Variants in NEIL3 observed in about 807,000 individuals in gnomAD.
The protein encoded by NEIL3 is endonuclease 8-like 3.
NEIL3 carries 48 observed loss-of-function variants against 57.5 expected under a neutral mutation model. The observed-to-expected ratio is 0.83, with a 90% CI of 0.66 to 1.06. The LOEUF is 1.06. Among genes scored for constraint, NEIL3 ranks in the 50% least tolerant of loss-of-function variants. The pLI, the probability that NEIL3 is intolerant of heterozygous loss-of-function variation, is 0.00. For synonymous variants in NEIL3, 261 were observed against 253.2 expected (o/e 1.03, Z -0.29); for missense variants, 717 against 739.1 (o/e 0.97, Z 0.35).
intron 8 of NEIL3, among the ~76,000 whole-genome samples, 193 bp from the exon 9 acceptor site, chr4:177,360,310 T>C (rs1735581463): frequency 6.6e-6 from 1 of 152,244 alleles, no homozygotes; most frequent in Non-Finnish European, 1.5e-5. Flanking sequence ...TAGGTAACTT[T>C]GGAAATAAAT....
chr4:177,339,854 C>T lies in NEIL3; in HGVS notation c.699C>T (p.Tyr233=), dbSNP rs1195647562. ...TACGTGATTTCAGCATTCTCTTTTA[C>T]AGGGTAAGAGCAAAATTTTTCAACT... is the stretch of plus-strand genomic sequence containing the variant. ...KMIRDFSILF[Y]RCRKAGLALS... Residue 233 remains tyrosine (Y), a synonymous_variant, in exon 5 of 10, where the codon TAC becomes TAT. Transcript: ENST00000264596. The T allele has an allele frequency of 5.0e-6, 8 of 1,610,714 alleles. No individual in the cohort carries two copies. The highest frequency in any genetic ancestry group is 1.7e-5 in the Admixed American group (1 of 59,964).
chr4:177,318,510 A>T (rs1734615628), intron 1 of NEIL3, among the ~76,000 whole-genome samples: 1 of 152,242 alleles, frequency 6.6e-6, no homozygotes, highest in Non-Finnish European at 1.5e-5. Context: ...AAACTTCCCC[A>T]GGAAATTGGC....
At position 177,341,459 on chromosome 4, in the gene NEIL3, G is replaced by GA. The variant is rs1735089228; in HGVS notation, c.703-17_703-16insA. On this transcript the variant is annotated splice_polypyrimidine_tract_variant and intron_variant, in intron 5 of 9. Coordinates refer to ENST00000264596, the MANE Select transcript of NEIL3 (RefSeq NM_018248.3). ...GTTTTGTGGATAACAGAATTTTTTG[G>GA]TTTTTTTTTTTTTTAGTGCCGTAAA... 3.5e-6 allele frequency: 5 copies of GA among 1,441,324 alleles called. No individual in the cohort carries two copies. In the South Asian group the frequency reaches 5.4e-5, roughly 15 times the overall value. The allele number at this position is 1,441,324 out of a possible 1,614,324, so 89.3% of individuals were successfully genotyped here.
At chr4:177,361,484 C>T (rs879203437) in intron 9 of NEIL3, among the ~76,000 whole-genome samples, 12 of 152,102 alleles carry the variant, frequency 7.9e-5, no homozygotes, top group Admixed American at 5.9e-4. Flanking sequence ...AGGAATTTCC[C>T]GGGGAAAACT....
At chr4:177,317,098 A>G (rs891095192) in intron 1 of NEIL3, among the ~76,000 whole-genome samples, 7 of 152,226 alleles carry the variant, frequency 4.6e-5, no homozygotes, top group African/African-American at 1.7e-4. Flanking sequence ...ATGTTTTTCT[A>G]TAAGTTAATA....
intron 1 of NEIL3, among the ~76,000 whole-genome samples, chr4:177,319,870 G>A (rs1369293979): frequency 6.6e-6 from 1 of 152,072 alleles, no homozygotes; most frequent in African/African-American, 2.4e-5. Flanking sequence ...CACAGGGTAT[G>A]GCTAAAACAA....
chr4:177,353,763 T>A, intron 8 of NEIL3, 35 bp downstream of exon 8: 2 of 1,520,280 alleles, frequency 1.3e-6, no homozygotes, highest in Non-Finnish European at 1.8e-6. Context: ...TTAAGATAAT[T>A]GCTTTTTTTT....
At chr4:177,357,405 G>A (rs1419799204) in intron 8 of NEIL3, among the ~76,000 whole-genome samples, 2 of 151,104 alleles carry the variant, frequency 1.3e-5, no homozygotes, top group South Asian at 2.1e-4. Flanking sequence ...CAGGGTTACT[G>A]TATTTTATGT....
chr4:177,310,835 A>T (rs563526925), intron 1 of NEIL3, among the ~76,000 whole-genome samples: 65 of 152,350 alleles, frequency 4.3e-4, no homozygotes, highest in African/African-American at 1.5e-3. Context: ...TCATGCCTAC[A>T]TGCAATATTG....
chr4:177,359,877 G>A (rs1735573686), intron 8 of NEIL3, among the ~76,000 whole-genome samples: 1 of 152,162 alleles, frequency 6.6e-6, no homozygotes, highest in African/African-American at 2.4e-5. Context: ...CTAATTATGG[G>A]GGAGAATAAA....
chr4:177,328,282 A>G (rs541207185), intron 2 of NEIL3, among the ~76,000 whole-genome samples: 3 of 152,330 alleles, frequency 2.0e-5, no homozygotes, highest in Admixed American at 2.0e-4. Flanking sequence ...TAGAAGAAAG[A>G]AAGAACAGAA....
chr4:177,338,964 C>T (rs896252166), intron 4 of NEIL3, among the ~76,000 whole-genome samples: 14 of 151,904 alleles, frequency 9.2e-5, no homozygotes, highest in Non-Finnish European at 1.8e-4. Context: ...CTTGAATTTA[C>T]AATTAAAATG....
intron 7 of NEIL3, 68 bp downstream of exon 7, chr4:177,351,617 A>G (rs1436858465): frequency 2.4e-6 from 3 of 1,260,240 alleles, no homozygotes; most frequent in South Asian, 1.4e-5. Context: ...AGTCAGGAAT[A>G]TATCTTGCTC....
At chr4:177,311,618 G>A (rs1230792072) in intron 1 of NEIL3, among the ~76,000 whole-genome samples, 5 of 149,574 alleles carry the variant, frequency 3.3e-5, no homozygotes, top group African/African-American at 9.9e-5. Flanking sequence ...AGGTTGCAGT[G>A]AGCTGAGGTC....
At chr4:177,319,993 C>T (rs998846642) in intron 1 of NEIL3, among the ~76,000 whole-genome samples, 39 of 152,116 alleles carry the variant, frequency 2.6e-4, no homozygotes, top group Admixed American at 6.5e-4. Context: ...TTAGTAAGAA[C>T]TTAAATCTGA....
At chr4:177,351,240 A>AAAAAT (rs1735343976) in intron 6 of NEIL3, 140 bp from the exon 7 acceptor site, 1 of 260,726 alleles carries the variant, frequency 3.8e-6, no homozygotes, top group African/African-American at 2.6e-5. Flanking sequence ...AAAAAAAAAG[A>AAAAAT]CTCTAAGATA....
chr4:177,348,161 A>C (rs1388896361), intron 6 of NEIL3, among the ~76,000 whole-genome samples: 1 of 152,194 alleles, frequency 6.6e-6, no homozygotes, highest in Non-Finnish European at 1.5e-5. Flanking sequence ...GTGAAAACAC[A>C]GATTGCCGGG....
Position 177,353,342 on chromosome 4 carries a change from CT to C in NEIL3, c.1077del (p.Phe359LeufsTer4). Reference sequence around the variant, plus strand: ...TCAAGAGTGAAGAAAATTCTACTGTCTTTAGCCACTTAATGAAGTACCCGTG... The same window carrying C: ...TCAAGAGTGAAGAAAATTCTACTGTCTTAGCCACTTAATGAAGTACCCGTG... ...VLKSEENSTV[F>X]SHLMKYPCNT... On this transcript the variant is annotated frameshift_variant, in exon 8 of 10. Coordinates refer to ENST00000264596, the MANE Select transcript of NEIL3 (RefSeq NM_018248.3). LOFTEE classifies it high-confidence loss of function. The C allele has an allele frequency of 6.2e-7, 1 of 1,613,654 alleles. No homozygotes were observed. Among genetic ancestry groups the C allele is most frequent in the East Asian group, 2.2e-5 (1 of 44,856 alleles).
intron 1 of NEIL3, among the ~76,000 whole-genome samples, chr4:177,320,499 A>G (rs1220428691): frequency 1.5e-4 from 16 of 106,938 alleles, no homozygotes; most frequent in African/African-American, 5.6e-4. Context: ...TTTTTTTGAA[A>G]CGGAGTCTCG....
Sources: gnomAD v4.1 joint callset for allele counts (sites outside exome capture counted in the v4.1 genomes callset) on GRCh38, gnomAD v4.1.1 for gene constraint, MANE v1.5 for transcripts, NCBI Gene and HGNC (gene_info 2026-07-23, HGNC 2026-07-21) for gene names.